The following VCF1 variants were observed in gnomAD, a reference collection of about 807,000 sequenced individuals.
The protein encoded by VCF1 is VCP nuclear cofactor family member 1.
the VCF1 span, among the ~76,000 whole-genome samples, chr17:73,222,978 T>G: frequency 3.9e-5 from 6 of 152,022 alleles, no homozygotes; most frequent in African/African-American, 1.5e-4. Flanking sequence ...AAGTGACTAT[T>G]TTTCTGTGTG....
the VCF1 span, among the ~76,000 whole-genome samples, chr17:73,217,850 G>A: frequency 6.7e-6 from 1 of 150,136 alleles, no homozygotes; most frequent in Non-Finnish European, 1.5e-5. Context: ...CGTGCGCCTG[G>A]AGTCCCAGCT....
the VCF1 span, among the ~76,000 whole-genome samples, chr17:73,221,133 G>A: frequency 2.6e-5 from 4 of 151,090 alleles, no homozygotes; most frequent in East Asian, 1.9e-4. Flanking sequence ...TCCTGACCTC[G>A]TGATCTGCCC....
chr17:73,231,706 A>G, the VCF1 span, among the ~76,000 whole-genome samples: 1 of 152,152 alleles, frequency 6.6e-6, no homozygotes, highest in African/African-American at 2.4e-5. Context: ...TGCCCTCACA[A>G]AAGCCTTTGG....
chr17:73,219,572 C>T, the VCF1 span, among the ~76,000 whole-genome samples: 3 of 151,520 alleles, frequency 2.0e-5, no homozygotes, highest in African/African-American at 4.9e-5. Flanking sequence ...ATGGTGTGAA[C>T]CTGGGGGGCA....
the VCF1 span, among the ~76,000 whole-genome samples, chr17:73,223,898 T>C: frequency 2.0e-5 from 3 of 151,848 alleles, no homozygotes; most frequent in South Asian, 6.3e-4. Flanking sequence ...GAAGGATCAT[T>C]TGAGCCCAGG....
At chr17:73,218,976 T>C in the VCF1 span, among the ~76,000 whole-genome samples, 1 of 151,574 alleles carries the variant, frequency 6.6e-6, no homozygotes, top group East Asian at 2.0e-4. Context: ...GCCGAGGTCA[T>C]GCCACTGCAC....
At chr17:73,227,678 T>C in the VCF1 span, 1 of 985,974 alleles carries the variant, frequency 1.0e-6, no homozygotes, top group Non-Finnish European at 1.2e-6. Context: ...GATATAAGAG[T>C]GGCTGCCTTT....
At chr17:73,217,897 A>C in the VCF1 span, among the ~76,000 whole-genome samples, 1 of 146,266 alleles carries the variant, frequency 6.8e-6, no homozygotes, top group African/African-American at 2.5e-5. Context: ...GCTTGAACCC[A>C]GGAGGCAGAG....
At chr17:73,232,191 C>T in the VCF1 span, 2 of 1,609,682 alleles carry the variant, frequency 1.2e-6, no homozygotes. Context: ...GCCGCCACGC[C>T]CACCCCCTCG....
the VCF1 span, among the ~76,000 whole-genome samples, chr17:73,224,381 G>A: frequency 2.6e-5 from 4 of 151,874 alleles, no homozygotes; most frequent in Non-Finnish European, 4.4e-5. Context: ...GGAGGTAGAG[G>A]TTGCAGTGAG....
the VCF1 span, chr17:73,229,234 T>C: frequency 1.0e-6 from 1 of 985,480 alleles, no homozygotes; most frequent in African/African-American, 1.7e-5. Context: ...GAAAGAGTCC[T>C]ACCTGCTCTT....
chr17:73,230,093 T>G, the VCF1 span, among the ~76,000 whole-genome samples: 1 of 151,890 alleles, frequency 6.6e-6, no homozygotes, highest in African/African-American at 2.4e-5. Flanking sequence ...GCCCAGGAGT[T>G]CAAGACCAGC....
chr17:73,230,876 C>T, the VCF1 span, among the ~76,000 whole-genome samples: 1 of 152,218 alleles, frequency 6.6e-6, no homozygotes, highest in Admixed American at 6.5e-5. Flanking sequence ...TAGTTATGTA[C>T]AGTAGAATTT....
chr17:73,210,760 T>A, the VCF1 span, among the ~76,000 whole-genome samples: 1,712 of 144,644 alleles, frequency 0.012, 49 homozygotes, highest in African/African-American at 0.037. Flanking sequence ...CCTCGTTATT[T>A]TTTTTTTTTT....
At chr17:73,211,815 A>C in the VCF1 span, among the ~76,000 whole-genome samples, 3 of 152,180 alleles carry the variant, frequency 2.0e-5, no homozygotes, top group African/African-American at 7.2e-5. Context: ...AGCCGAGATC[A>C]CGCCACTGCC....
At chr17:73,208,541 A>AATCT in the VCF1 span, 2 of 1,461,766 alleles carry the variant, frequency 1.4e-6, no homozygotes, top group Non-Finnish European at 9.5e-7. Context: ...CAGCCACACC[A>AATCT]ATCTTTCCAG....
chr17:73,231,939 C>T, the VCF1 span: 1 of 871,342 alleles, frequency 1.1e-6, no homozygotes, highest in Non-Finnish European at 1.7e-6. Flanking sequence ...TCGCGCATCC[C>T]TCTCCCCTCC....
At chr17:73,209,732 T>C in the VCF1 span, 6 of 1,543,498 alleles carry the variant, frequency 3.9e-6, no homozygotes, top group African/African-American at 8.2e-5. Context: ...CTGCTGCTGC[T>C]GCTGCTGCTG....
the VCF1 span, among the ~76,000 whole-genome samples, chr17:73,231,913 C>A: frequency 6.6e-6 from 1 of 152,142 alleles, no homozygotes; most frequent in Non-Finnish European, 1.5e-5. Context: ...CCCACAGGAA[C>A]CAAGCATCCG....
Sources: gnomAD v4.1 joint callset for allele counts (sites outside exome capture counted in the v4.1 genomes callset) on GRCh38, gnomAD v4.1.1 for gene constraint, MANE v1.5 for transcripts, NCBI Gene and HGNC (gene_info 2026-07-23, HGNC 2026-07-21) for gene names.